FRAS1: variants seen among roughly 807,000 people sequenced by gnomAD.
FRAS1 encodes Fraser extracellular matrix complex subunit 1.
In FRAS1, 290 loss-of-function variants were observed where a neutral mutation model predicts 435.2. The ratio of observed to expected loss-of-function variants is 0.67; its 90% confidence interval spans 0.61 to 0.73. FRAS1 has a LOEUF of 0.73. FRAS1 is among the 30% of genes least tolerant of loss of function. The pLI, the probability that FRAS1 is intolerant of heterozygous loss-of-function variation, is 0.00. For missense variants in FRAS1, 4,860 were observed against 5,001.5 expected, an observed-to-expected ratio of 0.97 and a Z score of 0.85; for synonymous variants, 1,800 against 1,851.0, an observed-to-expected ratio of 0.97 and a Z score of 0.71.
intron 22 of FRAS1, 126 bp from the exon 23 acceptor site, chr4:78,369,712 C>A: frequency 3.0e-6 from 2 of 675,038 alleles, no homozygotes; most frequent in Non-Finnish European, 4.5e-6. Context: ...GGGCTATGAG[C>A]CATAATGAAA....
intron 2 of FRAS1, chr4:78,071,240 T>C (rs1740335856): frequency 6.6e-6 from 1 of 152,236 alleles, no homozygotes; most frequent in Non-Finnish European, 1.5e-5. Context: ...CTGTGTGGTC[T>C]CAGATATAAT....
intron 2 of FRAS1, among the ~76,000 whole-genome samples, chr4:78,137,173 C>T (rs1292606159): frequency 6.6e-6 from 1 of 152,172 alleles, no homozygotes; most frequent in African/African-American, 2.4e-5. Flanking sequence ...CTTTCATAGT[C>T]CTTTGATTCA....
intron 2 of FRAS1, among the ~76,000 whole-genome samples, chr4:78,131,085 T>C (rs1385668188): frequency 6.6e-6 from 1 of 152,212 alleles, no homozygotes; most frequent in Admixed American, 6.5e-5. Flanking sequence ...ATGAACATTT[T>C]GAAAGATTTG....
rs143267650 is a variant in FRAS1 at position 78,209,260 on chromosome 4, G to A, written c.109-28250G>A. On this transcript the variant is annotated intron_variant, in intron 2 of 73. Coordinates refer to ENST00000512123, the MANE Select transcript of FRAS1 (RefSeq NM_025074.7). ...GTTTTTATACCCATTATATATGTACGTCCATGCTCCAAAAGCACCACATAG... is the reference window on the plus strand; with the variant it reads ...GTTTTTATACCCATTATATATGTACATCCATGCTCCAAAAGCACCACATAG... Among the ~76,000 whole-genome samples the A allele has an allele frequency of 5.6e-3, 855 of 152,236 alleles. 6 individuals are homozygous for A. Among genetic ancestry groups the A allele is most frequent in the African/African-American group, 0.019 (809 of 41,540 alleles).
chr4:78,183,281 T>TA (rs977949652), intron 2 of FRAS1, among the ~76,000 whole-genome samples: 5 of 152,194 alleles, frequency 3.3e-5, no homozygotes, highest in African/African-American at 9.7e-5. Context: ...TTCTGAAGTC[T>TA]ACATCTCTAG....
intron 2 of FRAS1, among the ~76,000 whole-genome samples, chr4:78,174,993 G>A (rs561483380): frequency 6.6e-6 from 1 of 152,332 alleles, no homozygotes; most frequent in Non-Finnish European, 1.5e-5. Flanking sequence ...ATTCAGTAAT[G>A]TGCTGTGAAG....
intron 29 of FRAS1, among the ~76,000 whole-genome samples, chr4:78,394,438 C>T (rs930184145): frequency 1.3e-5 from 2 of 152,022 alleles, no homozygotes; most frequent in South Asian, 4.1e-4. Context: ...TATCCCAACA[C>T]TATTTATTGA....
intron 2 of FRAS1, among the ~76,000 whole-genome samples, chr4:78,074,364 G>A (rs1462500662): frequency 3.9e-5 from 6 of 152,122 alleles, no homozygotes; most frequent in Admixed American, 3.9e-4. Flanking sequence ...TGAGAATTCA[G>A]GAACAGAAGA....
chr4:78,322,149 C>T (rs1729535784), intron 18 of FRAS1, among the ~76,000 whole-genome samples: 1 of 152,164 alleles, frequency 6.6e-6, no homozygotes, highest in Non-Finnish European at 1.5e-5. Flanking sequence ...TCCAACCTTA[C>T]CTGAGTGTTA....
chr4:78,494,852 G>A (rs1243531436), intron 59 of FRAS1, among the ~76,000 whole-genome samples: 2 of 152,002 alleles, frequency 1.3e-5, no homozygotes, highest in Admixed American at 6.6e-5. Context: ...GAATTTTGTT[G>A]GATATACAAT....
At chr4:78,201,850 G>T (rs1391447603) in intron 2 of FRAS1, among the ~76,000 whole-genome samples, 1 of 152,066 alleles carries the variant, frequency 6.6e-6, no homozygotes, top group Non-Finnish European at 1.5e-5. Context: ...GAGAAAAGGG[G>T]GAAGAAGAAA....
At chr4:78,455,395 G>C (rs1274229066) in intron 47 of FRAS1, among the ~76,000 whole-genome samples, 2 of 150,660 alleles carry the variant, frequency 1.3e-5, no homozygotes, top group East Asian at 3.9e-4. Context: ...GGTGAGGATG[G>C]GTTTACCAGA....
chr4:78,337,389 A>G (rs1393921037), intron 19 of FRAS1, among the ~76,000 whole-genome samples: 1 of 152,088 alleles, frequency 6.6e-6, no homozygotes, highest in Non-Finnish European at 1.5e-5. Flanking sequence ...TTCCTTACTT[A>G]CACAGATGGA....
In FRAS1 at chr4:78,479,552, T is replaced by A. The variant is rs1280660740; in HGVS notation, c.8277T>A (p.Asp2759Glu). The A allele has an allele frequency of 6.2e-7, 1 of 1,614,000 alleles. No homozygotes were observed. Among genetic ancestry groups the A allele is most frequent in the African/African-American group, 1.3e-5 (1 of 75,072 alleles). ...CCACCTGTGATGTCATGCTTATTGA[T>A]GACAGCGAGTATGAAGAGGAAGAAG... ...TMSTCDVMLI[D>E]DSEYEEEEEF... Residue 2759 changes from aspartate (D) to glutamate (E), a missense_variant, in exon 56 of 74, where the codon GAT becomes GAA. Physicochemically the swap from Asp to Glu is conservative, Grantham distance 45. Transcript: ENST00000512123.
At chr4:78,116,337 C>T (rs1743173344) in intron 2 of FRAS1, among the ~76,000 whole-genome samples, 1 of 152,146 alleles carries the variant, frequency 6.6e-6, no homozygotes, top group Non-Finnish European at 1.5e-5. Flanking sequence ...CTGCAGATGT[C>T]TATTAGGTTG....
intron 59 of FRAS1, 57 bp downstream of exon 59, chr4:78,489,137 G>A: frequency 6.7e-7 from 1 of 1,499,012 alleles, no homozygotes; most frequent in Non-Finnish European, 9.0e-7. Flanking sequence ...TTATTTGTCT[G>A]TAATGAAGTC....
At chr4:78,119,604 G>T (rs924111183) in intron 2 of FRAS1, among the ~76,000 whole-genome samples, 1 of 152,162 alleles carries the variant, frequency 6.6e-6, no homozygotes, top group Non-Finnish European at 1.5e-5. Flanking sequence ...TGGACACTTA[G>T]GTTGATTCCA....
chr4:78,387,620 C>T lies in FRAS1; in HGVS notation c.3894C>T (p.Ser1298=). The change falls in exon 29 of 74, where the codon AGC becomes AGT. Residue 1298 remains serine, a synonymous_variant. Coordinates refer to ENST00000512123, the MANE Select transcript of FRAS1 (RefSeq NM_025074.7). ...ACTATGCTCATGATGGTTCAGACAG[C>T]ACATCCGATGTTGCAGTCTTGCAGG... ...LLHYAHDGSD[S]TSDVAVLQAN... 2 of 1,611,196 alleles carry T rather than the reference C, an allele frequency of 1.2e-6. No homozygotes were observed. The highest frequency in any genetic ancestry group is 1.7e-5 in the Admixed American group (1 of 59,946).
intron 14 of FRAS1, among the ~76,000 whole-genome samples, chr4:78,302,841 T>C (rs999186826): frequency 3.9e-5 from 6 of 152,264 alleles, no homozygotes; most frequent in African/African-American, 1.4e-4. Flanking sequence ...TCTTTTGCTG[T>C]GCAGAGGCTC....
Sources: gnomAD v4.1 joint callset for allele counts (sites outside exome capture counted in the v4.1 genomes callset) on GRCh38, gnomAD v4.1.1 for gene constraint, MANE v1.5 for transcripts, NCBI Gene and HGNC (gene_info 2026-07-23, HGNC 2026-07-21) for gene names.